The following SPTLC3 variants were observed in gnomAD, a reference collection of about 807,000 sequenced individuals.
SPTLC3 encodes serine palmitoyltransferase long chain base subunit 3, also known as serine palmitoyltransferase 3.
A neutral mutation model predicts 59.3 loss-of-function variants in SPTLC3; 36 were observed. The observed-to-expected ratio is 0.61, with a 90% confidence interval of 0.47 to 0.80. SPTLC3 has a LOEUF of 0.80. SPTLC3 is among the 30% of genes least tolerant of loss of function. SPTLC3 has a pLI of 0.00. For synonymous variants in SPTLC3, 257 were observed against 240.8 expected (o/e 1.07, Z -0.62); for missense variants, 625 against 685.1 (o/e 0.91, Z 0.98).
intron 2 of SPTLC3, among the ~76,000 whole-genome samples, chr20:13,066,235 T>C (rs1300521487): frequency 1.2e-5 from 1 of 83,360 alleles, no homozygotes; most frequent in Admixed American, 1.2e-4. Flanking sequence ...TGACTGCATT[T>C]TTATATATAG....
intron 1 of SPTLC3, among the ~76,000 whole-genome samples, chr20:13,030,706 A>G (rs1986397801): frequency 6.6e-6 from 1 of 152,126 alleles, no homozygotes; most frequent in Non-Finnish European, 1.5e-5. Flanking sequence ...TGGAACTGAC[A>G]TTCAGCCATG....
intron 1 of SPTLC3, among the ~76,000 whole-genome samples, chr20:13,027,473 GACACA>G (rs1444727472): frequency 2.2e-5 from 3 of 136,014 alleles, no homozygotes; most frequent in South Asian, 2.5e-4. Context: ...TATAATGCCA[GACACA>G]GACACGCCGA....
intron 2 of SPTLC3, among the ~76,000 whole-genome samples, chr20:13,069,268 C>T (rs764184198): frequency 5.3e-5 from 8 of 151,958 alleles, no homozygotes; most frequent in Non-Finnish European, 7.4e-5. Context: ...GGGTGAGGTC[C>T]GAGGCTGACC....
chr20:13,114,251 G>A (rs971627512), intron 7 of SPTLC3, among the ~76,000 whole-genome samples: 1 of 152,076 alleles, frequency 6.6e-6, no homozygotes, highest in Admixed American at 6.5e-5. Context: ...CATGATTTGG[G>A]GTTTAAAACT....
At chr20:13,107,549 C>T (rs1050904726) in intron 6 of SPTLC3, among the ~76,000 whole-genome samples, 1 of 151,896 alleles carries the variant, frequency 6.6e-6, no homozygotes, top group African/African-American at 2.4e-5. Flanking sequence ...GAAAAGAACA[C>T]AATAGTGATG....
intron 6 of SPTLC3, among the ~76,000 whole-genome samples, chr20:13,105,622 T>A (rs1989847635): frequency 6.6e-6 from 1 of 152,156 alleles, no homozygotes; most frequent in Non-Finnish European, 1.5e-5. Flanking sequence ...AATTTACATA[T>A]TTTTTCCAAA....
chr20:13,019,736 A>G (rs1485619539), intron 1 of SPTLC3, among the ~76,000 whole-genome samples: 2 of 152,212 alleles, frequency 1.3e-5, no homozygotes, highest in Non-Finnish European at 2.9e-5. Flanking sequence ...TAGATGATGT[A>G]TTCATGAAGT....
At chr20:13,119,840 G>GA (rs1990803192) in intron 8 of SPTLC3, among the ~76,000 whole-genome samples, 1 of 152,186 alleles carries the variant, frequency 6.6e-6, no homozygotes, top group Non-Finnish European at 1.5e-5. Flanking sequence ...GGGCATTTGA[G>GA]AAAATGCCTG....
At chr20:13,106,537 AGGAGGCT>A (rs1258937097) in intron 6 of SPTLC3, among the ~76,000 whole-genome samples, 2 of 152,210 alleles carry the variant, frequency 1.3e-5, no homozygotes, top group Non-Finnish European at 2.9e-5. Flanking sequence ...GAGGAGAATC[AGGAGGCT>A]GTGTGTTGGG....
At position 13,074,346 on chromosome 20, in the gene SPTLC3, C is replaced by T. The variant is rs766135066; in HGVS notation, c.459-3C>T. The T allele has an allele frequency of 2.0e-5, 33 of 1,613,436 alleles. No homozygotes were observed. The highest frequency in any genetic ancestry group is 2.8e-5 in the Non-Finnish European group (33 of 1,179,672). On this transcript the variant is annotated splice_region_variant and splice_polypyrimidine_tract_variant and intron_variant, in intron 3 of 11. Coordinates refer to ENST00000399002, the MANE Select transcript of SPTLC3 (RefSeq NM_018327.4). The stretch of plus-strand genomic sequence containing the variant: ...ATGTGCTCATTTACATGTTTCCCCA[C>T]AGGTTTACTGGAAGAGTCATCAAAG...
At chr20:13,077,271 T>C (rs961625561) in intron 4 of SPTLC3, among the ~76,000 whole-genome samples, 3 of 150,362 alleles carry the variant, frequency 2.0e-5, no homozygotes, top group African/African-American at 7.3e-5. Flanking sequence ...GTATTTTATA[T>C]ATAAAATACA....
chr20:13,036,434 A>G (rs1007204714), intron 1 of SPTLC3, among the ~76,000 whole-genome samples: 16 of 152,124 alleles, frequency 1.1e-4, no homozygotes, highest in African/African-American at 3.9e-4. Context: ...CTTCCACTTA[A>G]TGAAAAGAAA....
At chr20:13,137,980 A>G (rs2038288359) in intron 9 of SPTLC3, among the ~76,000 whole-genome samples, 1 of 152,148 alleles carries the variant, frequency 6.6e-6, no homozygotes. Flanking sequence ...CTGGACTCAG[A>G]ACAGCTTGGG....
chr20:13,129,577 A>C (rs2038074233), intron 9 of SPTLC3, among the ~76,000 whole-genome samples: 1 of 152,260 alleles, frequency 6.6e-6, no homozygotes, highest in South Asian at 2.1e-4. Context: ...TATTCTAGAA[A>C]TTAGCTTGTG....
intron 1 of SPTLC3, among the ~76,000 whole-genome samples, chr20:13,035,945 C>G (rs1186037881): frequency 3.9e-5 from 6 of 152,178 alleles, no homozygotes; most frequent in Non-Finnish European, 8.8e-5. Context: ...GAACTGTACT[C>G]TCATCATTCT....
chr20:13,051,597 T>TA (rs1339804696), intron 2 of SPTLC3, among the ~76,000 whole-genome samples: 1 of 152,172 alleles, frequency 6.6e-6, no homozygotes, highest in Non-Finnish European at 1.5e-5. Flanking sequence ...ACTTAACAGA[T>TA]ATATACAGAA....
intron 10 of SPTLC3, among the ~76,000 whole-genome samples, chr20:13,155,287 C>T (rs976280367): frequency 3.0e-4 from 45 of 152,156 alleles, no homozygotes; most frequent in African/African-American, 1.1e-3. Context: ...ACATACTACG[C>T]ATCAGATTCT....
chr20:13,024,386 A>G (rs1986044890), intron 1 of SPTLC3, among the ~76,000 whole-genome samples: 1 of 152,188 alleles, frequency 6.6e-6, no homozygotes, highest in South Asian at 2.1e-4. Context: ...CTATACGTTT[A>G]CTACTTGTCT....
In SPTLC3 at chr20:13,165,276, A is replaced by C. The variant is rs2038969846; in HGVS notation, c.*409A>C. On this transcript the variant is annotated 3_prime_UTR_variant, in exon 12 of 12. Coordinates refer to ENST00000399002, the MANE Select transcript of SPTLC3 (RefSeq NM_018327.4). The stretch of plus-strand genomic sequence containing the variant: ...CTTATTCCATCTGCAGATGTAAGTG[A>C]GTGTGGTGGACAGTAGCCACCTTCC... The C allele has an allele frequency of 6.1e-6, 1 of 164,546 alleles. No individual in the cohort carries two copies. Among genetic ancestry groups the C allele is most frequent in the Admixed American group, 5.7e-5 (1 of 17,400 alleles). The allele number at this position is 164,546 out of a possible 1,614,324, so 10.2% of individuals were successfully genotyped here.
Sources: allele counts gnomAD v4.1 joint callset (sites outside exome capture counted in the v4.1 genomes callset), GRCh38; gene constraint gnomAD v4.1.1; transcripts MANE v1.5; gene names NCBI Gene and HGNC (gene_info 2026-07-23, HGNC 2026-07-21).